Variants in OLA1 observed in about 807,000 individuals in gnomAD.
OLA1 encodes the protein obg-like ATPase 1.
A neutral mutation model predicts 48.4 loss-of-function variants in OLA1; 14 were observed. The ratio of observed to expected loss-of-function variants is 0.29; its 90% CI spans 0.19 to 0.45. OLA1 has a LOEUF of 0.45. OLA1 is among the 20% of genes least tolerant of loss of function. The pLI is 1.00. For synonymous variants in OLA1, 127 were observed against 150.4 expected (o/e 0.84, Z 1.14); for missense variants, 325 against 467.1 (o/e 0.70, Z 2.80).
Position 174,229,396 on chromosome 2 carries a change from G to A in OLA1, c.157C>T (p.Pro53Ser). 6.2e-7 allele frequency: 1 copy of A among 1,613,210 alleles called. No homozygotes were observed. The change falls in exon 3 of 11, where the codon CCG (proline) becomes TCG (serine). Residue 53 changes from proline (P) to serine (S), a missense_variant. Transcript: ENST00000284719. Reference protein sequence around the residue: ...TNSQASAENFPFCTIDPNESR... With the variant: ...TNSQASAENFSFCTIDPNESR... ...TCATTAGGATCAATAGTGCAGAACGGGAAGTTTTCTGCTGAAGCCTGACTA... is the reference window on the plus strand; with the variant it reads ...TCATTAGGATCAATAGTGCAGAACGAGAAGTTTTCTGCTGAAGCCTGACTA...
At chr2:174,178,917 C>T (rs1035646487) in intron 4 of OLA1, among the ~76,000 whole-genome samples, 3 of 151,842 alleles carry the variant, frequency 2.0e-5, no homozygotes, top group Admixed American at 6.6e-5. Context: ...TGCAAAAGTT[C>T]TACTTCCACC....
In OLA1 at chr2:174,143,090, G is replaced by GT. The variant is rs1686497423; in HGVS notation, c.374-1091dup. On this transcript the variant is annotated intron_variant, in intron 4 of 10. Transcript: ENST00000284719. The stretch of plus-strand genomic sequence containing the variant: ...ATACTCTTGATACAAGTTATAAATT[G>GT]TTTTTAAATATAATTTCCCAGAATT... 3.9e-5 allele frequency among the ~76,000 whole-genome samples: 6 copies of GT among 152,054 alleles called. No individual in the cohort carries two copies. In the South Asian group the frequency reaches 1.2e-3, roughly 32 times the overall value.
intron 4 of OLA1, among the ~76,000 whole-genome samples, chr2:174,171,133 C>T (rs1447359200): frequency 1.3e-5 from 2 of 151,870 alleles, no homozygotes; most frequent in African/African-American, 4.8e-5. Flanking sequence ...TTACAGGGAG[C>T]CAAAATCAAC....
chr2:174,187,103 T>C (rs1687674360), intron 4 of OLA1, among the ~76,000 whole-genome samples: 1 of 152,192 alleles, frequency 6.6e-6, no homozygotes, highest in African/African-American at 2.4e-5. Context: ...AAGGGAATTG[T>C]GAATATTCAA....
At chr2:174,196,642 TACC>T (rs1264817577) in intron 4 of OLA1, among the ~76,000 whole-genome samples, 1 of 152,212 alleles carries the variant, frequency 6.6e-6, no homozygotes, top group Non-Finnish European at 1.5e-5. Flanking sequence ...GCAAAGCAAG[TACC>T]ACAAGTAATT....
chr2:174,242,086 T>C (rs1366737828), intron 2 of OLA1, among the ~76,000 whole-genome samples: 1 of 152,234 alleles, frequency 6.6e-6, no homozygotes, highest in Non-Finnish European at 1.5e-5. Flanking sequence ...AAAAGGCTGC[T>C]AGTCAAGTTT....
chr2:174,162,584 T>G (rs1417141838), intron 4 of OLA1, among the ~76,000 whole-genome samples: 1 of 152,244 alleles, frequency 6.6e-6, no homozygotes. Context: ...TTTATTTGTG[T>G]GTATTTTCAA....
At chr2:174,115,972 A>T (rs1399971141) in intron 7 of OLA1, among the ~76,000 whole-genome samples, 1 of 152,248 alleles carries the variant, frequency 6.6e-6, no homozygotes, top group Non-Finnish European at 1.5e-5. Flanking sequence ...TGACACACAG[A>T]AGGGCTTAAT....
At chr2:174,236,526 G>A (rs1397035315) in intron 2 of OLA1, among the ~76,000 whole-genome samples, 5 of 152,164 alleles carry the variant, frequency 3.3e-5, no homozygotes, top group Admixed American at 3.3e-4. Flanking sequence ...AATAACCAGA[G>A]CTTCAGCAGG....
At position 174,123,800 on chromosome 2, in the gene OLA1, A is replaced by G. The variant is rs572761357; in HGVS notation, c.550-125T>C. The G allele has an allele frequency of 1.9e-5, 8 of 412,808 alleles. No individual in the cohort carries two copies. The Admixed American group carries it at 2.9e-4, about 15-fold the overall frequency. 25.6% of individuals were successfully genotyped at this position (412,808 alleles called of 1,614,324 possible). On this transcript the variant is annotated intron_variant, in intron 5 of 10. Coordinates refer to ENST00000284719, the MANE Select transcript of OLA1 (RefSeq NM_013341.5). ...TTTTAATGAAAGGGGGCTAGGTCACACAAATAATTATTTTCAATATCTCAT... is the reference window on the plus strand; with the variant it reads ...TTTTAATGAAAGGGGGCTAGGTCACGCAAATAATTATTTTCAATATCTCAT...
Position 174,075,246 on chromosome 2 carries a change from CA to C in OLA1, c.*179del. 1 of 458,688 alleles carries C rather than the reference CA, an allele frequency of 2.2e-6. No individual in the cohort carries two copies. The highest frequency in any genetic ancestry group is 3.7e-6 in the Non-Finnish European group (1 of 267,302). The allele number at this position is 458,688 out of a possible 1,614,324, so 28.4% of individuals were successfully genotyped here. On this transcript the variant is annotated 3_prime_UTR_variant, in exon 11 of 11. Transcript: ENST00000284719. ...AAGCTGTTCACATTTAGTGAACCTG[CA>C]TTTCATGGGGGGGGGGGGGTACACA... is the stretch of plus-strand genomic sequence containing the variant.
intron 4 of OLA1, among the ~76,000 whole-genome samples, chr2:174,200,619 C>T (rs2105431805): frequency 6.6e-6 from 1 of 152,202 alleles, no homozygotes; most frequent in South Asian, 2.1e-4. Context: ...TGGATAACTG[C>T]AATGGACGGA....
intron 7 of OLA1, among the ~76,000 whole-genome samples, chr2:174,104,120 T>C (rs1453819141): frequency 6.7e-6 from 1 of 150,256 alleles, no homozygotes; most frequent in Non-Finnish European, 1.5e-5. Context: ...AATTATATAA[T>C]GGGTCCAAAT....
intron 4 of OLA1, among the ~76,000 whole-genome samples, chr2:174,196,573 C>T (rs1021004851): frequency 2.6e-5 from 4 of 152,096 alleles, no homozygotes; most frequent in Non-Finnish European, 5.9e-5. Flanking sequence ...ATTATTCTAG[C>T]GTGTAATACT....
chr2:174,172,904 C>T (rs1424728505), intron 4 of OLA1, among the ~76,000 whole-genome samples: 9 of 152,042 alleles, frequency 5.9e-5, no homozygotes, highest in African/African-American at 2.2e-4. Context: ...GAGTTCAGTG[C>T]GATCTGGTTG....
intron 8 of OLA1, 93 bp from the exon 9 acceptor site, chr2:174,081,341 G>T: frequency 1.2e-6 from 1 of 840,038 alleles, no homozygotes; most frequent in Non-Finnish European, 2.0e-6. Flanking sequence ...AGCAGAAAAT[G>T]TTAAAGATAG....
At chr2:174,206,075 T>A (rs748412291) in intron 4 of OLA1, among the ~76,000 whole-genome samples, 2 of 152,214 alleles carry the variant, frequency 1.3e-5, no homozygotes, top group Non-Finnish European at 2.9e-5. Flanking sequence ...AGGACAGTTA[T>A]AAGGAAATGA....
intron 4 of OLA1, among the ~76,000 whole-genome samples, chr2:174,166,138 A>C (rs985782146): frequency 4.2e-5 from 6 of 142,532 alleles, no homozygotes; most frequent in African/African-American, 1.3e-4. Context: ...AAAAAAAAAA[A>C]CCTCAAATGT....
rs759707286 is a variant in OLA1, at chr2:174,081,892, A to T, written c.869+32T>A. On this transcript the variant is annotated intron_variant, in intron 8 of 10. Coordinates refer to ENST00000284719, the MANE Select transcript of OLA1 (RefSeq NM_013341.5). Reference sequence around the variant, plus strand: ...AATTACTGCAAGGAAATAGTTGATAATAAAGTGTAGGGAAAATGAATGCTA... The same window carrying T: ...AATTACTGCAAGGAAATAGTTGATATTAAAGTGTAGGGAAAATGAATGCTA... The T allele has an allele frequency of 1.1e-5, 18 of 1,603,746 alleles. No homozygotes were observed. In the African/African-American group the frequency reaches 1.7e-4, roughly 16 times the overall value.
Sources: allele counts gnomAD v4.1 joint callset (sites outside exome capture counted in the v4.1 genomes callset), GRCh38; gene constraint gnomAD v4.1.1; transcripts MANE v1.5; gene names NCBI Gene and HGNC (gene_info 2026-07-23, HGNC 2026-07-21).